The following GALNT13 variants were observed in gnomAD, a reference collection of about 807,000 sequenced individuals.
GALNT13 encodes UDP-GalNAc:polypeptide N-acetylgalactosaminyltransferase 13.
GALNT13 carries 28 observed loss-of-function variants against 64.2 expected under a neutral mutation model. The ratio of observed to expected loss-of-function variants is 0.44; its 90% CI spans 0.32 to 0.60. The LOEUF is 0.60. Ranked by LOEUF, GALNT13 falls within the 20% of genes least tolerant of loss-of-function variation. The probability of loss-of-function intolerance (pLI) is 0.05; values close to 1 mark genes in which losing one functional copy is unlikely to be tolerated. For synonymous variants in GALNT13, 214 were observed against 224.6 expected (o/e 0.95, Z 0.42); for missense variants, 577 against 669.8 (o/e 0.86, Z 1.53).
At chr2:154,024,726 T>C (rs899753551) in intron 3 of GALNT13, among the ~76,000 whole-genome samples, 1 of 152,218 alleles carries the variant, frequency 6.6e-6, no homozygotes, top group African/African-American at 2.4e-5. Flanking sequence ...CTTTGTTCCG[T>C]TGCTGGTGAG....
At chr2:153,363,712 A>G in the GALNT13 span, among the ~76,000 whole-genome samples, 2 of 152,180 alleles carry the variant, frequency 1.3e-5, no homozygotes, top group African/African-American at 2.4e-5. Flanking sequence ...GAATAGACCA[A>G]TGACAAGTTC....
At chr2:153,577,591 CCT>C in the GALNT13 span, among the ~76,000 whole-genome samples, 1 of 151,882 alleles carries the variant, frequency 6.6e-6, no homozygotes, top group Non-Finnish European at 1.5e-5. Context: ...TCAGATGCCC[CCT>C]CTCTTAATTT....
chr2:154,291,461 A>G (rs1692626630), intron 8 of GALNT13, among the ~76,000 whole-genome samples: 1 of 152,134 alleles, frequency 6.6e-6, no homozygotes, highest in Non-Finnish European at 1.5e-5. Flanking sequence ...CACCCTACCC[A>G]GAAGCCCAGC....
At chr2:154,137,078 G>GACCAGTGATAA (rs1682998753) in intron 3 of GALNT13, among the ~76,000 whole-genome samples, 1 of 151,836 alleles carries the variant, frequency 6.6e-6, no homozygotes, top group African/African-American at 2.4e-5. Flanking sequence ...GATATTTAAA[G>GACCAGTGATAA]GTGCTTAAGA....
intron 3 of GALNT13, among the ~76,000 whole-genome samples, chr2:153,971,797 T>G (rs1693759783): frequency 6.6e-6 from 1 of 152,052 alleles, no homozygotes; most frequent in African/African-American, 2.4e-5. Flanking sequence ...TCATAACCAT[T>G]ATAATAGGTT....
intron 1 of GALNT13, among the ~76,000 whole-genome samples, chr2:153,884,306 G>A (rs1574039811): frequency 6.6e-6 from 1 of 151,802 alleles, no homozygotes; most frequent in African/African-American, 2.4e-5. Context: ...GCTTCGATGA[G>A]TGTGTACTTC....
the GALNT13 span, among the ~76,000 whole-genome samples, chr2:153,734,384 T>C: frequency 2.0e-5 from 3 of 152,216 alleles, no homozygotes; most frequent in Non-Finnish European, 4.4e-5. Flanking sequence ...TTTTGACTTA[T>C]TGACTTACCA....
chr2:153,868,733 A>C (rs1334649602), upstream of GALNT13, among the ~76,000 whole-genome samples: 1 of 152,204 alleles, frequency 6.6e-6, no homozygotes, highest in Non-Finnish European at 1.5e-5. Context: ...ATTTGGCCTT[A>C]TATTGGCCAA....
At chr2:154,434,474 T>C (rs1574298685) in intron 11 of GALNT13, among the ~76,000 whole-genome samples, 1 of 152,178 alleles carries the variant, frequency 6.6e-6, no homozygotes, top group South Asian at 2.1e-4. Context: ...TTAGCCAGGA[T>C]GGTCTCAATC....
chr2:153,853,262 G>C, the GALNT13 span, among the ~76,000 whole-genome samples: 1 of 152,090 alleles, frequency 6.6e-6, no homozygotes, highest in African/African-American at 2.4e-5. Context: ...GGGTGGGTCT[G>C]TGTCTCCCAG....
At position 154,439,047 on chromosome 2, in the gene GALNT13, A is replaced by T. The variant is rs546133391; in HGVS notation, c.1530+321A>T. Among the ~76,000 whole-genome samples the T allele has an allele frequency of 2.0e-5, 3 of 152,312 alleles. No individual in the cohort carries two copies. The East Asian group carries it at 5.8e-4, about 29-fold the overall frequency. ...CTGAGAGGTTTGTATGAAGATGTGC[A>T]TACAGGATAATATTGACAATATGTC... On this transcript the variant is annotated intron_variant, in intron 12 of 12. Transcript: ENST00000392825.
chr2:153,380,307 T>A, the GALNT13 span, among the ~76,000 whole-genome samples: 1 of 152,124 alleles, frequency 6.6e-6, no homozygotes, highest in African/African-American at 2.4e-5. Context: ...AATCTAGAGA[T>A]TATTTAAAAT....
intron 9 of GALNT13, among the ~76,000 whole-genome samples, chr2:154,343,335 A>G (rs770636200): frequency 1.8e-4 from 27 of 152,098 alleles, no homozygotes; most frequent in Non-Finnish European, 3.2e-4. Flanking sequence ...GTAAATATAT[A>G]TATTTGCTTA....
chr2:154,080,143 G>A (rs1352564044), intron 3 of GALNT13, among the ~76,000 whole-genome samples: 1 of 151,540 alleles, frequency 6.6e-6, no homozygotes, highest in Non-Finnish European at 1.5e-5. Flanking sequence ...AAGGCTGCTG[G>A]GTGGAATGTG....
the GALNT13 span, among the ~76,000 whole-genome samples, chr2:153,324,528 A>G: frequency 6.6e-6 from 1 of 152,104 alleles, no homozygotes; most frequent in African/African-American, 2.4e-5. Context: ...TTCCAATACT[A>G]TGTTGAATAG....
chr2:153,825,438 C>A, the GALNT13 span, among the ~76,000 whole-genome samples: 1 of 152,096 alleles, frequency 6.6e-6, no homozygotes, highest in Non-Finnish European at 1.5e-5. Flanking sequence ...TTAGAGGCTA[C>A]GACAAGCCAC....
the GALNT13 span, among the ~76,000 whole-genome samples, chr2:153,198,259 T>TGCTCTTATGCAGATTCCAG: frequency 6.6e-6 from 1 of 152,164 alleles, no homozygotes; most frequent in South Asian, 2.1e-4. Context: ...CTGAAGCCAG[T>TGCTCTTATGCAGATTCCAG]GCTCTTATGC....
the GALNT13 span, among the ~76,000 whole-genome samples, chr2:153,479,568 C>G: frequency 6.6e-6 from 1 of 152,114 alleles, no homozygotes; most frequent in Non-Finnish European, 1.5e-5. Context: ...AGGAGGTGAA[C>G]AGAGTGACCA....
the GALNT13 span, among the ~76,000 whole-genome samples, chr2:153,753,814 G>A: frequency 0.015 from 2,316 of 152,308 alleles, 57 homozygotes; most frequent in East Asian, 0.086. Context: ...AGGTCCTGCA[G>A]GACCTAGGCA....
Sources: gnomAD v4.1 joint callset for allele counts (sites outside exome capture counted in the v4.1 genomes callset) on GRCh38, gnomAD v4.1.1 for gene constraint, MANE v1.5 for transcripts, NCBI Gene and HGNC (gene_info 2026-07-23, HGNC 2026-07-21) for gene names.